Variants in ATP9A observed in about 807,000 individuals in gnomAD.
ATP9A encodes the protein probable phospholipid-transporting ATPase IIA.
ATP9A carries 52 observed loss-of-function variants against 144.1 expected under a neutral mutation model. That is an observed-to-expected ratio of 0.36 (90% CI 0.29 to 0.45). ATP9A has a LOEUF of 0.45. Ranked by LOEUF, ATP9A falls within the 20% of genes least tolerant of loss-of-function variation. The probability of loss-of-function intolerance (pLI) is 1.00; values close to 1 mark genes in which losing one functional copy is unlikely to be tolerated. For synonymous variants in ATP9A, 582 were observed against 557.4 expected (o/e 1.04, Z -0.62); for missense variants, 947 against 1,392.7 (o/e 0.68, Z 5.09).
chr20:51,741,009 T>C (rs547642410), intron 1 of ATP9A, among the ~76,000 whole-genome samples: 84 of 152,106 alleles, frequency 5.5e-4, no homozygotes, highest in African/African-American at 2.0e-3. Context: ...ATTTTAAGTT[T>C]CAATTAATTA....
intron 3 of ATP9A, among the ~76,000 whole-genome samples, chr20:51,724,042 G>A (rs2077701590): frequency 6.6e-6 from 1 of 151,780 alleles, no homozygotes; most frequent in South Asian, 2.1e-4. Context: ...ACAGTGGCGG[G>A]CACCTGTAAT....
intron 1 of ATP9A, among the ~76,000 whole-genome samples, chr20:51,733,684 A>AT (rs1249638341): frequency 1.6e-4 from 22 of 140,518 alleles, no homozygotes; most frequent in East Asian, 4.1e-4. Flanking sequence ...TTTTTTTTTA[A>AT]TTTTTTTTTA....
intron 9 of ATP9A, among the ~76,000 whole-genome samples, chr20:51,683,757 C>A (rs1039583779): frequency 6.6e-6 from 1 of 152,128 alleles, no homozygotes; most frequent in African/African-American, 2.4e-5. Context: ...CTTGTTCACA[C>A]GGGGCCAGAA....
rs772071945 is a variant in ATP9A at position 51,644,267 on chromosome 20, C to CTTTT, written c.1507-4767_1507-4764dup. Among the ~76,000 whole-genome samples, 274 of 75,898 alleles carry CTTTT rather than the reference C, an allele frequency of 3.6e-3. 6 individuals are homozygous for CTTTT. The highest frequency in any genetic ancestry group is 5.4e-3 in the African/African-American group (120 of 22,386). The allele number at this position is 75,898 out of a possible 152,430, so 49.8% of individuals were successfully genotyped here. On this transcript the variant is annotated intron_variant, in intron 14 of 27. Coordinates refer to ENST00000338821, the MANE Select transcript of ATP9A (RefSeq NM_006045.3). ...AATTACTTCTAGCTTTTACTTCTAGCTTTTTTTTTTTTTTTTTTTTTTTGA... is the reference window on the plus strand; with the variant it reads ...AATTACTTCTAGCTTTTACTTCTAGCTTTTTTTTTTTTTTTTTTTTTTTTTTTGA...
At chr20:51,637,307 A>T (rs1228895525) in intron 15 of ATP9A, among the ~76,000 whole-genome samples, 1 of 5,386 alleles carries the variant, frequency 1.9e-4, no homozygotes, top group Non-Finnish European at 5.1e-4. Context: ...CCCTAACATT[A>T]AAAAAAAAAA....
At chr20:51,700,220 G>A (rs1252465342) in intron 4 of ATP9A, among the ~76,000 whole-genome samples, 1 of 152,130 alleles carries the variant, frequency 6.6e-6, no homozygotes, top group Admixed American at 6.6e-5. Context: ...CCAATTAGAT[G>A]ATTAGAAATG....
At chr20:51,604,430 C>T (rs1415652479) in intron 27 of ATP9A, among the ~76,000 whole-genome samples, 2 of 152,248 alleles carry the variant, frequency 1.3e-5, no homozygotes, top group East Asian at 3.9e-4. Context: ...TTCTGGGGCT[C>T]GGCACCTCCC....
At chr20:51,747,395 G>A (rs2077813321) in intron 1 of ATP9A, among the ~76,000 whole-genome samples, 1 of 152,092 alleles carries the variant, frequency 6.6e-6, no homozygotes, top group Non-Finnish European at 1.5e-5. Context: ...GCAATAGACA[G>A]GGCAACACCC....
chr20:51,764,881 C>T (rs967966932), intron 1 of ATP9A, among the ~76,000 whole-genome samples: 1 of 152,144 alleles, frequency 6.6e-6, no homozygotes, highest in African/African-American at 2.4e-5. Flanking sequence ...CCACCACACC[C>T]GGCTAATTTT....
chr20:51,661,325 A>G (rs1379247142), intron 13 of ATP9A, among the ~76,000 whole-genome samples: 1 of 151,892 alleles, frequency 6.6e-6, no homozygotes, highest in Non-Finnish European at 1.5e-5. Flanking sequence ...CATTCATACT[A>G]TTAATGGATA....
chr20:51,725,970 G>A (rs749396106), intron 2 of ATP9A, 38 bp from the exon 3 acceptor site: 19 of 1,222,174 alleles, frequency 1.6e-5, no homozygotes, highest in Non-Finnish European at 2.2e-5. Context: ...GACATTCAGG[G>A]CTTGTCTGAT....
intron 13 of ATP9A, among the ~76,000 whole-genome samples, chr20:51,667,982 T>A (rs375810827): frequency 6.8e-6 from 1 of 146,964 alleles, no homozygotes; most frequent in Non-Finnish European, 1.5e-5. Flanking sequence ...GATGGGAGGA[T>A]TGCTTGAGCC....
chr20:51,743,191 T>G (rs1189114861), intron 1 of ATP9A, among the ~76,000 whole-genome samples: 1 of 152,162 alleles, frequency 6.6e-6, no homozygotes, highest in Non-Finnish European at 1.5e-5. Flanking sequence ...GTTGCATGCA[T>G]GGACTTCAGC....
At chr20:51,664,272 A>G (rs1326843380) in intron 13 of ATP9A, among the ~76,000 whole-genome samples, 1 of 152,158 alleles carries the variant, frequency 6.6e-6, no homozygotes, top group East Asian at 1.9e-4. Flanking sequence ...AAGAAAAAAA[A>G]TTCTAAAATC....
chr20:51,696,184 A>C (rs758213598), intron 5 of ATP9A, 40 bp from the exon 6 acceptor site: 13 of 1,592,624 alleles, frequency 8.2e-6, no homozygotes, highest in Admixed American at 5.0e-5. Context: ...TGAATGAATG[A>C]CCGTGTGCTG....
intron 14 of ATP9A, among the ~76,000 whole-genome samples, chr20:51,654,485 C>T (rs548700122): frequency 3.7e-4 from 56 of 151,966 alleles, no homozygotes; most frequent in African/African-American, 1.4e-3. Context: ...GGGATTCCTC[C>T]CAATGTTGGT....
At chr20:51,635,822 A>AAGGAAGGAAGGAAGGGAGGG (rs1270595027) in intron 15 of ATP9A, among the ~76,000 whole-genome samples, 3 of 119,348 alleles carry the variant, frequency 2.5e-5, no homozygotes, top group Non-Finnish European at 3.5e-5. Flanking sequence ...GGAAGGAAGG[A>AAGGAAGGAAGGAAGGGAGGG]AGGGAGGGAG....
At chr20:51,714,307 G>A (rs960173434) in intron 3 of ATP9A, among the ~76,000 whole-genome samples, 10 of 149,702 alleles carry the variant, frequency 6.7e-5, no homozygotes, top group East Asian at 4.0e-4. Context: ...CTCAGCCTCC[G>A]GAGTAGCTGG....
chr20:51,663,362 T>C (rs2077418978), intron 13 of ATP9A, among the ~76,000 whole-genome samples: 2 of 152,212 alleles, frequency 1.3e-5, no homozygotes, highest in Non-Finnish European at 2.9e-5. Flanking sequence ...GTGAATTCAA[T>C]GTTTTGTCTT....
Sources: allele counts gnomAD v4.1 joint callset (sites outside exome capture counted in the v4.1 genomes callset), GRCh38; gene constraint gnomAD v4.1.1; transcripts MANE v1.5; gene names NCBI Gene and HGNC (gene_info 2026-07-23, HGNC 2026-07-21).